Variants in LPP observed in about 807,000 individuals in gnomAD.
LPP encodes the protein LIM domain containing preferred translocation partner in lipoma.
Under a neutral mutation model 60.4 loss-of-function variants are expected in LPP, and 38 were observed. The observed-to-expected ratio is 0.63, with a 90% CI of 0.49 to 0.83. The LOEUF is 0.83. LPP is among the 40% of genes least tolerant of loss of function. The pLI is 0.00. For missense variants in LPP, 902 were observed against 783.6 expected (o/e 1.15, Z -1.80); for synonymous variants, 328 against 290.8 (o/e 1.13, Z -1.30).
At chr3:188,819,589 G>A (rs961028081) in intron 9 of LPP, among the ~76,000 whole-genome samples, 8 of 152,154 alleles carry the variant, frequency 5.3e-5, no homozygotes, top group Non-Finnish European at 1.0e-4. Context: ...TACACAATTA[G>A]GGAATACTTT....
At chr3:188,483,450 G>A (rs1341591511) in intron 4 of LPP, among the ~76,000 whole-genome samples, 6 of 152,092 alleles carry the variant, frequency 3.9e-5, no homozygotes, top group Non-Finnish European at 8.8e-5. Flanking sequence ...GCAAGGAAAG[G>A]CTACTCCTCC....
chr3:188,450,618 G>A (rs951643852), intron 4 of LPP, among the ~76,000 whole-genome samples: 8 of 151,940 alleles, frequency 5.3e-5, no homozygotes, highest in Non-Finnish European at 1.0e-4. Flanking sequence ...GGTGGCAAGC[G>A]CCTGTAATCC....
intron 7 of LPP, among the ~76,000 whole-genome samples, chr3:188,628,604 T>TA (rs890436177): frequency 8.6e-5 from 13 of 152,036 alleles, no homozygotes; most frequent in African/African-American, 2.4e-4. Context: ...GAATCAGTTA[T>TA]AAAAAACCTA....
chr3:188,800,175 CT>C (rs35258838), intron 9 of LPP, among the ~76,000 whole-genome samples: 25,164 of 115,444 alleles, frequency 0.22, 2,300 homozygotes, highest in East Asian at 0.4. Context: ...AACATTGTTT[CT>C]TTTTTTTTTT....
intron 6 of LPP, among the ~76,000 whole-genome samples, chr3:188,573,113 G>T (rs1052168739): frequency 6.6e-6 from 1 of 152,082 alleles, no homozygotes; most frequent in Non-Finnish European, 1.5e-5. Context: ...AGGCACTGTT[G>T]TAAGTGCTTT....
At chr3:188,310,435 T>G (rs1261039632) in intron 2 of LPP, among the ~76,000 whole-genome samples, 1 of 152,012 alleles carries the variant, frequency 6.6e-6, no homozygotes, top group East Asian at 1.9e-4. Context: ...GAAAGCAAAG[T>G]GAACTTAAAA....
At chr3:188,522,711 T>A (rs539792041) in intron 5 of LPP, among the ~76,000 whole-genome samples, 2 of 149,908 alleles carry the variant, frequency 1.3e-5, no homozygotes, top group African/African-American at 4.9e-5. Flanking sequence ...TGACGTGATG[T>A]AGAGGGGTCA....
chr3:188,745,146 T>C (rs1725734626), intron 8 of LPP, among the ~76,000 whole-genome samples: 1 of 152,152 alleles, frequency 6.6e-6, no homozygotes, highest in African/African-American at 2.4e-5. Context: ...TCTCAAGATA[T>C]TTCTGTGTGG....
chr3:188,241,287 C>G (rs562374801), intron 2 of LPP, among the ~76,000 whole-genome samples: 3 of 152,336 alleles, frequency 2.0e-5, no homozygotes, highest in Middle Eastern at 3.4e-3. Flanking sequence ...GTTTCTCCAG[C>G]TGATCCTGCA....
intron 7 of LPP, among the ~76,000 whole-genome samples, chr3:188,612,163 A>C (rs1296583836): frequency 1.3e-5 from 2 of 152,218 alleles, no homozygotes; most frequent in African/African-American, 4.8e-5. Flanking sequence ...GTGCATTGAA[A>C]AAATGAAAAT....
At chr3:188,389,109 T>G (rs1040298850) in intron 3 of LPP, among the ~76,000 whole-genome samples, 6 of 151,890 alleles carry the variant, frequency 4.0e-5, no homozygotes, top group African/African-American at 1.5e-4. Flanking sequence ...ATTATTTAAG[T>G]TGTGTGTGTG....
At chr3:188,600,662 T>A (rs190852787) in intron 6 of LPP, among the ~76,000 whole-genome samples, 31 of 152,258 alleles carry the variant, frequency 2.0e-4, no homozygotes, top group Non-Finnish European at 3.4e-4. Context: ...CTGTATCTAT[T>A]CAAACTGAAA....
At chr3:188,205,745 A>G (rs147103799) in intron 1 of LPP, among the ~76,000 whole-genome samples, 14 of 152,344 alleles carry the variant, frequency 9.2e-5, no homozygotes, top group Non-Finnish European at 1.8e-4. Context: ...CCTGGAAGGT[A>G]CTATGAAGAG....
intron 3 of LPP, among the ~76,000 whole-genome samples, chr3:188,396,094 C>G (rs1427792104): frequency 6.6e-6 from 1 of 152,128 alleles, no homozygotes; most frequent in Non-Finnish European, 1.5e-5. Context: ...ATCTCTAACT[C>G]CCCATCTTGT....
chr3:188,563,285 C>T (rs544458686), intron 6 of LPP, among the ~76,000 whole-genome samples: 29 of 151,966 alleles, frequency 1.9e-4, no homozygotes, highest in South Asian at 6.2e-4. Flanking sequence ...ATTATCACAA[C>T]GGATTTCAGC....
At chr3:188,441,048 G>A (rs980800214) in intron 4 of LPP, among the ~76,000 whole-genome samples, 5 of 151,378 alleles carry the variant, frequency 3.3e-5, no homozygotes, top group East Asian at 1.9e-4. Flanking sequence ...GTGTGTGTGC[G>A]TGCCTGTATA....
chr3:188,192,756 C>G (rs1362293468), intron 1 of LPP, among the ~76,000 whole-genome samples: 1 of 152,166 alleles, frequency 6.6e-6, no homozygotes, highest in African/African-American at 2.4e-5. Context: ...CAGTGAGTGA[C>G]ATCCATGAGA....
intron 9 of LPP, among the ~76,000 whole-genome samples, chr3:188,826,663 A>G (rs1755606671): frequency 6.6e-6 from 1 of 151,798 alleles, no homozygotes; most frequent in Non-Finnish European, 1.5e-5. Flanking sequence ...CAAGCTCCCC[A>G]CACCAGCACC....
intron 6 of LPP, among the ~76,000 whole-genome samples, chr3:188,579,211 C>A (rs115150029): frequency 1.3e-5 from 2 of 152,090 alleles, no homozygotes; most frequent in Non-Finnish European, 2.9e-5. Context: ...CAAAAGCATC[C>A]CAGGGGATTT....
Sources: gnomAD v4.1 joint callset for allele counts (sites outside exome capture counted in the v4.1 genomes callset) on GRCh38, gnomAD v4.1.1 for gene constraint, MANE v1.5 for transcripts, NCBI Gene and HGNC (gene_info 2026-07-23, HGNC 2026-07-21) for gene names.